The following PDIA5 variants were observed in gnomAD, a reference collection of about 807,000 sequenced individuals.
PDIA5 encodes protein disulfide-isomerase A5.
In PDIA5, 58 loss-of-function variants were observed where a neutral mutation model predicts 77.6. The ratio of observed to expected loss-of-function variants is 0.75; its 90% confidence interval spans 0.61 to 0.93. The LOEUF is 0.93. Among genes scored for constraint, PDIA5 ranks in the 40% least tolerant of loss-of-function variants. The pLI is 0.00. For missense variants in PDIA5, 630 were observed against 647.7 expected, an observed-to-expected ratio of 0.97 and a Z score of 0.30; for synonymous variants, 250 against 252.1, an observed-to-expected ratio of 0.99 and a Z score of 0.08.
chr3:123,130,409 G>A (rs1379486217), intron 10 of PDIA5, 71 bp from the exon 11 acceptor site: 5 of 1,515,290 alleles, frequency 3.3e-6, no homozygotes, highest in East Asian at 4.5e-5. Context: ...TTGGGTCCAG[G>A]GGCCTGGAAT....
At chr3:123,126,686 C>T (rs182482118) in intron 10 of PDIA5, among the ~76,000 whole-genome samples, 1 of 152,320 alleles carries the variant, frequency 6.6e-6, no homozygotes, top group Non-Finnish European at 1.5e-5. Flanking sequence ...CTAGGTTTCT[C>T]CATTGGCTCT....
chr3:123,083,255 G>A (rs1009591341), intron 1 of PDIA5, among the ~76,000 whole-genome samples: 5 of 152,090 alleles, frequency 3.3e-5, no homozygotes, highest in Admixed American at 6.5e-5. Flanking sequence ...GGGGTTTGGA[G>A]GTTAGAGGCA....
At chr3:123,067,263 T>C (rs1933592128) in intron 1 of PDIA5, 57 bp downstream of exon 1, 1 of 1,196,680 alleles carries the variant, frequency 8.4e-7, no homozygotes, top group Non-Finnish European at 1.1e-6. Context: ...CGCGTGCCCT[T>C]CTGCGCTCTC....
At position 123,135,020 on chromosome 3, in the gene PDIA5, C is replaced by T. The variant is rs561795408; in HGVS notation, c.910+4404C>T. 6.6e-5 allele frequency among the ~76,000 whole-genome samples: 10 copies of T among 152,308 alleles called. No homozygotes were observed. The South Asian group carries it at 1.9e-3, about 28-fold the overall frequency. The stretch of plus-strand genomic sequence containing the variant: ...GGGGCCTCACATGCAGCCCCAGGCC[C>T]GGTTTTCCCACCCTGCAGGCGACGG... On this transcript the variant is annotated intron_variant, in intron 11 of 16. Transcript: ENST00000316218.
In PDIA5 at chr3:123,089,229, A is replaced by AC. The variant is rs79697787; in HGVS notation, c.108dup (p.Lys37GlnfsTer12). 1 of 1,613,892 alleles carries AC rather than the reference A, an allele frequency of 6.2e-7. No individual in the cohort carries two copies. Among genetic ancestry groups the AC allele is most frequent in the East Asian group, 2.2e-5 (1 of 44,880 alleles). On this transcript the variant is annotated frameshift_variant, in exon 2 of 17. Transcript: ENST00000316218. LOFTEE classifies it high-confidence loss of function. ...TCCTCGCTCATTGAGAGAATCTCTG[A>AC]CCCCAAGGACTTGAAAAAACTGCTC...
intron 10 of PDIA5, among the ~76,000 whole-genome samples, chr3:123,128,566 G>A (rs1560538280): frequency 6.6e-6 from 1 of 151,728 alleles, no homozygotes; most frequent in African/African-American, 2.4e-5. Context: ...GAGTGCAGAG[G>A]GTACCATCAT....
intron 11 of PDIA5, among the ~76,000 whole-genome samples, chr3:123,136,616 G>A (rs972370591): frequency 1.3e-5 from 2 of 150,312 alleles, no homozygotes; most frequent in African/African-American, 2.4e-5. Flanking sequence ...GTGCACGCCT[G>A]TAGTCCCAGC....
intron 16 of PDIA5, chr3:123,161,678 C>T (rs1936162228): frequency 1.5e-6 from 1 of 645,652 alleles, no homozygotes; most frequent in Admixed American, 3.0e-5. Context: ...GCAGGCTGGA[C>T]TCCAGATGCC....
chr3:123,112,690 TG>T (rs1934894658), intron 7 of PDIA5, among the ~76,000 whole-genome samples: 1 of 151,980 alleles, frequency 6.6e-6, no homozygotes, highest in Non-Finnish European at 1.5e-5. Flanking sequence ...CCCGAGTAGC[TG>T]GGACTATAGG....
Position 123,130,565 on chromosome 3 carries a change from G to T in PDIA5, c.859G>T (p.Asp287Tyr). 1 of 1,614,130 alleles carries T rather than the reference G, an allele frequency of 6.2e-7. No individual in the cohort carries two copies. Among genetic ancestry groups the T allele is most frequent in the Non-Finnish European group, 8.5e-7 (1 of 1,179,994 alleles). Residue 287 changes from aspartate to tyrosine, a missense_variant, in exon 11 of 17, where the codon GAC (aspartate) becomes TAC (tyrosine). Coordinates refer to ENST00000316218, the MANE Select transcript of PDIA5 (RefSeq NM_006810.4). ...SVYHLTDEDF[D>Y]QFVKEHSSVL... is the part of the protein sequence containing the mutation. ...TTATCACCTGACCGATGAAGACTTT[G>T]ACCAGTTTGTGAAGGAACACTCCTC...
intron 3 of PDIA5, among the ~76,000 whole-genome samples, chr3:123,092,897 T>A (rs1934336011): frequency 6.6e-6 from 1 of 152,184 alleles, no homozygotes; most frequent in African/African-American, 2.4e-5. Context: ...CTGCCCACCA[T>A]GCAAAGGTAG....
rs1935345626 is a variant in PDIA5 at position 123,130,465 on chromosome 3, T to A, written c.774-15T>A. The A allele has an allele frequency of 6.2e-7, 1 of 1,607,934 alleles. No individual in the cohort carries two copies. Among genetic ancestry groups the A allele is most frequent in the Non-Finnish European group, 8.5e-7 (1 of 1,176,672 alleles). ...CAGGGCCTGCTCTGAGCTCTGCCTG[T>A]TTTTGGTCTTCCAGTCCGCAGCCGC... On this transcript the variant is annotated splice_polypyrimidine_tract_variant and intron_variant, in intron 10 of 16. Transcript: ENST00000316218.
intron 15 of PDIA5, among the ~76,000 whole-genome samples, chr3:123,155,542 C>T (rs997233150): frequency 3.9e-5 from 6 of 152,176 alleles, no homozygotes; most frequent in East Asian, 1.9e-4. Context: ...GGCCTCCAGG[C>T]GCGTCCCCCA....
At chr3:123,142,941 C>T (rs903606123) in intron 11 of PDIA5, among the ~76,000 whole-genome samples, 2 of 152,162 alleles carry the variant, frequency 1.3e-5, no homozygotes, top group Non-Finnish European at 2.9e-5. Context: ...TTCTCAAGCC[C>T]CTGGTCAACC....
intron 3 of PDIA5, among the ~76,000 whole-genome samples, chr3:123,093,266 T>A (rs1174572930): frequency 6.6e-6 from 1 of 151,954 alleles, no homozygotes; most frequent in Non-Finnish European, 1.5e-5. Flanking sequence ...AGGGTGTGTG[T>A]GTGTGTGTGT....
chr3:123,151,795 GCCTGCCTGCCTT>G (rs1376142989), intron 14 of PDIA5, among the ~76,000 whole-genome samples: 2 of 93,394 alleles, frequency 2.1e-5, no homozygotes, highest in Non-Finnish European at 4.2e-5. Flanking sequence ...CTGCCTTCCT[GCCTGCCTGCCTT>G]CCTGCCTGCC....
intron 1 of PDIA5, among the ~76,000 whole-genome samples, chr3:123,072,307 T>C (rs1474135538): frequency 6.6e-6 from 1 of 152,190 alleles, no homozygotes; most frequent in African/African-American, 2.4e-5. Flanking sequence ...GTGGTAATGA[T>C]ATCCATCTTG....
chr3:123,078,691 TC>T (rs1464068455), intron 1 of PDIA5, among the ~76,000 whole-genome samples: 1 of 152,238 alleles, frequency 6.6e-6, no homozygotes, highest in African/African-American at 2.4e-5. Flanking sequence ...AGTATTTGAT[TC>T]AGGACCCAAA....
intron 6 of PDIA5, 114 bp downstream of exon 6, chr3:123,106,955 A>G: frequency 1.4e-6 from 1 of 739,728 alleles, no homozygotes; most frequent in East Asian, 2.5e-5. Flanking sequence ...GATCACTTGT[A>G]CTTTTCCTCT....
Sources: gnomAD v4.1 joint callset for allele counts (sites outside exome capture counted in the v4.1 genomes callset) on GRCh38, gnomAD v4.1.1 for gene constraint, MANE v1.5 for transcripts, NCBI Gene and HGNC (gene_info 2026-07-23, HGNC 2026-07-21) for gene names.